Variants in PRKCE observed in about 807,000 individuals in gnomAD.
PRKCE encodes protein kinase C epsilon, also known as protein kinase C epsilon type.
In PRKCE, 16 loss-of-function variants were observed where a neutral mutation model predicts 85.4. That is an observed-to-expected ratio of 0.19 (90% CI 0.13 to 0.28). The LOEUF is 0.28. Among genes scored for constraint, PRKCE ranks in the 10% least tolerant of loss-of-function variants. The probability of loss-of-function intolerance (pLI) is 1.00; values close to 1 mark genes in which losing one functional copy is unlikely to be tolerated. For synonymous variants in PRKCE, 388 were observed against 371.5 expected (o/e 1.04, Z -0.51); for missense variants, 573 against 975.2 (o/e 0.59, Z 5.49).
intron 10 of PRKCE, among the ~76,000 whole-genome samples, chr2:46,023,445 G>A (rs1390137399): frequency 6.6e-6 from 1 of 152,240 alleles, no homozygotes; most frequent in East Asian, 1.9e-4. Flanking sequence ...GTTTATGCCA[G>A]CTAGAAGATG....
intron 2 of PRKCE, among the ~76,000 whole-genome samples, chr2:45,952,340 A>G (rs1339508704): frequency 1.3e-5 from 2 of 152,258 alleles, no homozygotes; most frequent in Admixed American, 6.5e-5. Flanking sequence ...TCGCAAGCGT[A>G]CATAAGTCAT....
chr2:46,168,963 A>G (rs1453472215), intron 14 of PRKCE, among the ~76,000 whole-genome samples: 2 of 152,224 alleles, frequency 1.3e-5, no homozygotes, highest in African/African-American at 4.8e-5. Context: ...CAGGAGGGAC[A>G]GGGGTCAGAG....
At chr2:45,733,549 T>A (rs570037950) in intron 1 of PRKCE, among the ~76,000 whole-genome samples, 2 of 151,936 alleles carry the variant, frequency 1.3e-5, no homozygotes, top group East Asian at 3.9e-4. Flanking sequence ...CCTGGGGAGG[T>A]GCGGAGTGGC....
At chr2:45,672,348 CTTCATTCATCCA>C (rs1426705442) in intron 1 of PRKCE, among the ~76,000 whole-genome samples, 1 of 151,670 alleles carries the variant, frequency 6.6e-6, no homozygotes, top group Non-Finnish European at 1.5e-5. Flanking sequence ...CCATCCATCT[CTTCATTCATCCA>C]TTCATTCATC....
chr2:45,823,758 C>T (rs536654713), intron 1 of PRKCE, among the ~76,000 whole-genome samples: 2 of 152,242 alleles, frequency 1.3e-5, no homozygotes, highest in Admixed American at 6.5e-5. Context: ...CAGGTTGTTC[C>T]CTGGGCCCAG....
intron 11 of PRKCE, among the ~76,000 whole-genome samples, chr2:46,117,373 A>G (rs1672876901): frequency 1.3e-5 from 2 of 152,226 alleles, no homozygotes; most frequent in South Asian, 2.1e-4. Flanking sequence ...TTGGGAGTAG[A>G]TCTGATTTCT....
At chr2:46,029,222 A>T (rs1016884678) in intron 10 of PRKCE, among the ~76,000 whole-genome samples, 4 of 152,202 alleles carry the variant, frequency 2.6e-5, no homozygotes, top group African/African-American at 9.7e-5. Flanking sequence ...AGACACAGGG[A>T]GGTAGAATGA....
At chr2:45,801,731 C>T (rs1398156411) in intron 1 of PRKCE, among the ~76,000 whole-genome samples, 1 of 152,084 alleles carries the variant, frequency 6.6e-6, no homozygotes, top group African/African-American at 2.4e-5. Flanking sequence ...AAATGCAGCC[C>T]CAGAAAGGAC....
chr2:45,817,081 GT>G (rs1295548360), intron 1 of PRKCE, among the ~76,000 whole-genome samples: 1 of 150,474 alleles, frequency 6.6e-6, no homozygotes, highest in Non-Finnish European at 1.5e-5. Context: ...GTGTGTGTGT[GT>G]GTGTGTGTGT....
At chr2:46,161,380 G>A (rs1460824628) in intron 14 of PRKCE, among the ~76,000 whole-genome samples, 2 of 152,224 alleles carry the variant, frequency 1.3e-5, no homozygotes, top group African/African-American at 4.8e-5. Context: ...AAAATTAGAA[G>A]TAGTGCTAAG....
At chr2:46,100,879 C>G (rs941716188) in intron 11 of PRKCE, among the ~76,000 whole-genome samples, 1 of 143,596 alleles carries the variant, frequency 7.0e-6, no homozygotes, top group African/African-American at 2.5e-5. Context: ...CTCTTCTCTT[C>G]TCTTTTCTTG....
At chr2:45,896,957 A>G (rs1374577313) in intron 2 of PRKCE, among the ~76,000 whole-genome samples, 3 of 152,174 alleles carry the variant, frequency 2.0e-5, no homozygotes, top group Non-Finnish European at 4.4e-5. Context: ...TTCCGCCTGT[A>G]GTCCTAGCTA....
chr2:46,186,195 G>A lies in PRKCE; in HGVS notation c.*1314G>A, dbSNP rs540152214. 3.5e-4 allele frequency: 53 copies of A among 152,680 alleles called. No homozygotes were observed. The highest frequency in any genetic ancestry group is 1.2e-3 in the African/African-American group (49 of 41,540). The allele number at this position is 152,680 out of a possible 1,614,324, so 9.5% of individuals were successfully genotyped here. Reference sequence around the variant, plus strand: ...CAGTGTTATTCTTTCATTTCCAAGGGTTCTCTGTGGCTTTGTGTATATGTT... The same window carrying A: ...CAGTGTTATTCTTTCATTTCCAAGGATTCTCTGTGGCTTTGTGTATATGTT... On this transcript the variant is annotated 3_prime_UTR_variant, in exon 15 of 15. Coordinates refer to ENST00000306156, the MANE Select transcript of PRKCE (RefSeq NM_005400.3).
chr2:45,707,889 G>A (rs1679247453), intron 1 of PRKCE, among the ~76,000 whole-genome samples: 1 of 152,202 alleles, frequency 6.6e-6, no homozygotes, highest in Admixed American at 6.5e-5. Context: ...ACCTGGGAGT[G>A]CAGGCATGAA....
At chr2:45,795,071 C>T (rs916386917) in intron 1 of PRKCE, among the ~76,000 whole-genome samples, 2 of 152,178 alleles carry the variant, frequency 1.3e-5, no homozygotes, top group African/African-American at 4.8e-5. Flanking sequence ...GGAGGTGAGG[C>T]CAGCACCTCT....
intron 1 of PRKCE, among the ~76,000 whole-genome samples, chr2:45,827,572 G>C (rs1690050663): frequency 6.6e-6 from 1 of 152,202 alleles, no homozygotes; most frequent in African/African-American, 2.4e-5. Flanking sequence ...CCCATTTTCA[G>C]AGAATAGATA....
chr2:45,730,342 G>C (rs1224946377), intron 1 of PRKCE, among the ~76,000 whole-genome samples: 1 of 151,946 alleles, frequency 6.6e-6, no homozygotes, highest in East Asian at 1.9e-4. Flanking sequence ...TATTTTTGTA[G>C]AGATGGAGTC....
chr2:46,064,874 G>T (rs1667477061), intron 10 of PRKCE, among the ~76,000 whole-genome samples: 1 of 152,170 alleles, frequency 6.6e-6, no homozygotes, highest in Non-Finnish European at 1.5e-5. Flanking sequence ...TGTGGGTGTG[G>T]GGAGAAAAGG....
chr2:45,987,727 G>C lies in PRKCE; in HGVS notation c.823+3047G>C, dbSNP rs563061417. 2.4e-3 allele frequency among the ~76,000 whole-genome samples: 372 copies of C among 152,292 alleles called. 2 individuals are homozygous for C. In the Middle Eastern group the frequency reaches 0.031, roughly 13 times the overall value. On this transcript the variant is annotated intron_variant, in intron 6 of 14. Coordinates refer to ENST00000306156, the MANE Select transcript of PRKCE (RefSeq NM_005400.3). ...TGGTGTTGAGCATTCTGTGGATTTGGACAAATGGACAGTGCTCGTTATCTA... is the reference window on the plus strand; with the variant it reads ...TGGTGTTGAGCATTCTGTGGATTTGCACAAATGGACAGTGCTCGTTATCTA...
Sources: gnomAD v4.1 joint callset for allele counts (sites outside exome capture counted in the v4.1 genomes callset) on GRCh38, gnomAD v4.1.1 for gene constraint, MANE v1.5 for transcripts, NCBI Gene and HGNC (gene_info 2026-07-23, HGNC 2026-07-21) for gene names.